The following KDM2B variants were observed in gnomAD, a reference collection of about 807,000 sequenced individuals.
KDM2B encodes the protein lysine-specific demethylase 2B.
Under a neutral mutation model 150.0 loss-of-function variants are expected in KDM2B, and 26 were observed. That is an observed-to-expected ratio of 0.17 (90% confidence interval 0.13 to 0.24). The LOEUF (loss-of-function observed/expected upper bound fraction) is 0.24, where lower values mean the gene tolerates loss of function less well. KDM2B is among the 10% of genes least tolerant of loss of function. The pLI is 1.00. For synonymous variants in KDM2B, 734 were observed against 729.5 expected (o/e 1.01, Z -0.10); for missense variants, 1,265 against 1,816.9 (o/e 0.70, Z 5.52).
the KDM2B span, chr12:121,418,055 C>G: frequency 4.6e-6 from 4 of 876,530 alleles, no homozygotes; most frequent in Non-Finnish European, 5.2e-6. Flanking sequence ...GAACTCTGCA[C>G]TTAAAGGCTG....
intron 4 of KDM2B, among the ~76,000 whole-genome samples, chr12:121,572,400 TCTCACTCA>T (rs777271396): frequency 6.6e-6 from 1 of 152,040 alleles, no homozygotes; most frequent in East Asian, 1.9e-4. Context: ...TCTGCCACTT[TCTCACTCA>T]CTCACTCACT....
At chr12:121,428,195 A>T (rs1872606207), downstream of KDM2B, among the ~76,000 whole-genome samples, 1 of 151,628 alleles carries the variant, frequency 6.6e-6, no homozygotes, top group Non-Finnish European at 1.5e-5. Context: ...TCTAGATGAG[A>T]TCTTTCTCTT....
chr12:121,521,197 G>C lies in KDM2B; in HGVS notation c.932-97C>G. Reference sequence around the variant, plus strand: ...GGAGGGAGAGCGAGCGTGCAGGAGGGTGCAGGGAGTGGAGAAGAGCAGCCA... The same window carrying C: ...GGAGGGAGAGCGAGCGTGCAGGAGGCTGCAGGGAGTGGAGAAGAGCAGCCA... On this transcript the variant is annotated intron_variant, in intron 8 of 22. Transcript: ENST00000377071. This position sits in a 1 kb window ranked among gnomAD's most constrained non-coding sequence, Gnocchi z 4.9. The C allele has an allele frequency of 2.5e-6, 2 of 796,482 alleles. No homozygotes were observed. The highest frequency in any genetic ancestry group is 2.1e-6 in the Non-Finnish European group (1 of 473,304). The allele number at this position is 796,482 out of a possible 1,614,324, so 49.3% of individuals were successfully genotyped here.
chr12:121,536,706 C>G (rs191192858), intron 6 of KDM2B, among the ~76,000 whole-genome samples: 11 of 152,018 alleles, frequency 7.2e-5, no homozygotes, highest in Middle Eastern at 3.4e-3. Flanking sequence ...GTTTCCACCC[C>G]CTCCAGGCCT....
chr12:121,433,064 C>T, intron 22 of KDM2B: 1 of 447,660 alleles, frequency 2.2e-6, no homozygotes, highest in Non-Finnish European at 4.5e-6. Flanking sequence ...ACCTGGAGGC[C>T]CAGCTGGCTC....
chr12:121,412,497 C>T, the KDM2B span, among the ~76,000 whole-genome samples: 1 of 151,536 alleles, frequency 6.6e-6, no homozygotes, highest in Non-Finnish European at 1.5e-5. Context: ...CCTGCCTTGT[C>T]CTCCCAAACT....
In KDM2B at chr12:121,459,339, A is replaced by G. The variant is rs1305183401; in HGVS notation, c.1735-5995T>C. ...TAGCTATCCACAAGCAAAAGAACAA[A>G]GATAGACCCCTACCTCACACCACAT... On this transcript the variant is annotated intron_variant, in intron 12 of 22. Coordinates refer to ENST00000377071, the MANE Select transcript of KDM2B (RefSeq NM_032590.5). Among the ~76,000 whole-genome samples, 3 of 152,220 alleles carry G rather than the reference A, an allele frequency of 2.0e-5. No individual in the cohort carries two copies. The East Asian group carries it at 5.8e-4, about 29-fold the overall frequency.
chr12:121,420,256 C>T, the KDM2B span: 4 of 1,606,694 alleles, frequency 2.5e-6, no homozygotes, highest in Non-Finnish European at 3.4e-6. Flanking sequence ...AAAGTGAAAT[C>T]ACTTCAGCAA....
Position 121,498,096 on chromosome 12 carries a change from A to T in KDM2B, c.1648-3431T>A, listed in dbSNP as rs1360611021. ...GAGAAACAGAGTAAGACTTTGTCTC[A>T]AAATAAATAAATAAATAAATAAATA... On this transcript the variant is annotated intron_variant, in intron 11 of 22. Transcript: ENST00000377071. Among the ~76,000 whole-genome samples the T allele has an allele frequency of 2.6e-5, 4 of 152,158 alleles. 1 individual carries two copies. The highest frequency in any genetic ancestry group is 4.2e-4 in the South Asian group (2 of 4,816).
intron 6 of KDM2B, among the ~76,000 whole-genome samples, chr12:121,535,788 C>T (rs1888040736): frequency 6.6e-6 from 1 of 152,180 alleles, no homozygotes; most frequent in African/African-American, 2.4e-5. Flanking sequence ...CCCAGGGCTC[C>T]CCTCCTCCCT....
At chr12:121,425,449 A>G (rs1210902512), downstream of KDM2B, among the ~76,000 whole-genome samples, 1 of 150,810 alleles carries the variant, frequency 6.6e-6, no homozygotes, top group Non-Finnish European at 1.5e-5. Context: ...GCCACTTCTC[A>G]GAGTCTGTTA....
intron 4 of KDM2B, among the ~76,000 whole-genome samples, chr12:121,558,499 G>A (rs1890075161): frequency 2.0e-5 from 3 of 150,928 alleles, no homozygotes; most frequent in African/African-American, 7.3e-5. Flanking sequence ...TGTTGCCCAG[G>A]CTAGAGTACA....
intron 9 of KDM2B, among the ~76,000 whole-genome samples, chr12:121,519,159 C>T (rs536734361): frequency 1.3e-5 from 2 of 152,358 alleles, no homozygotes; most frequent in African/African-American, 4.8e-5. Context: ...AACTCAACTC[C>T]AGGTGGTCTC....
At chr12:121,501,660 G>A (rs926526267) in intron 11 of KDM2B, among the ~76,000 whole-genome samples, 3 of 151,948 alleles carry the variant, frequency 2.0e-5, no homozygotes, top group African/African-American at 2.4e-5. Flanking sequence ...TTGCTCTGTC[G>A]CCCAGGCTGG....
intron 4 of KDM2B, among the ~76,000 whole-genome samples, chr12:121,573,124 T>G (rs1389893565): frequency 7.7e-6 from 1 of 129,358 alleles, no homozygotes; most frequent in Non-Finnish European, 1.6e-5. Context: ...GTGCCCGGCC[T>G]AATTTTTTTT....
In KDM2B at chr12:121,513,517, C is replaced by T. The variant is rs1293843223; in HGVS notation, c.1048-115G>A. ...GTGAGGGTCACTGTCATCATCTTAG[C>T]GAGAGCATGGATGGTCGGGGGAGAA... On this transcript the variant is annotated intron_variant, in intron 9 of 22. Coordinates refer to ENST00000377071, the MANE Select transcript of KDM2B (RefSeq NM_032590.5). This position sits in a 1 kb window ranked among gnomAD's most constrained non-coding sequence, Gnocchi z 5.0. 4.2e-6 allele frequency: 5 copies of T among 1,182,656 alleles called. No homozygotes were observed. In the African/African-American group the frequency reaches 6.0e-5, roughly 14 times the overall value. 73.3% of individuals were successfully genotyped at this position (1,182,656 alleles called of 1,614,324 possible).
chr12:121,445,298 T>C lies in KDM2B; in HGVS notation c.2080A>G (p.Ile694Val), dbSNP rs1555289913. The part of the protein sequence containing the change: ...MLMECSICNE[I>V]IHPGCLKIKE... ...ACCTTAAGGCATCCAGGGTGGATGA[T>C]TTCATTGCAGATGGAGCACTCCATG... is the stretch of plus-strand genomic sequence containing the variant. The change falls in exon 14 of 23, where the codon ATC (isoleucine) becomes GTC (valine). Residue 694 changes from isoleucine (I) to valine (V), a missense_variant. Ile to Val is a conservative substitution (Grantham distance 29, BLOSUM62 3). Transcript: ENST00000377071. 1.2e-6 allele frequency: 2 copies of C among 1,613,962 alleles called. No individual in the cohort carries two copies. The highest frequency in any genetic ancestry group is 1.7e-6 in the Non-Finnish European group (2 of 1,179,986).
In KDM2B at chr12:121,580,256, G is replaced by A. The variant is rs567669968; in HGVS notation, c.126+530C>T. The A allele has an allele frequency of 5.7e-4, 729 of 1,276,838 alleles. 4 individuals are homozygous for A. The highest frequency in any genetic ancestry group is 6.7e-4 in the Non-Finnish European group (681 of 1,013,808). 79.1% of individuals were successfully genotyped at this position (1,276,838 alleles called of 1,614,324 possible). ...GGAAACCATTTTCAGCAGTTGTGGGGGGGGGGAGGCGTCGACGTCATAATC... is the reference window on the plus strand; with the variant it reads ...GGAAACCATTTTCAGCAGTTGTGGGAGGGGGGAGGCGTCGACGTCATAATC... On this transcript the variant is annotated intron_variant, in intron 1 of 22. Coordinates refer to ENST00000377071, the MANE Select transcript of KDM2B (RefSeq NM_032590.5).
chr12:121,485,957 AG>A (rs1357566177), intron 12 of KDM2B, among the ~76,000 whole-genome samples: 2 of 151,608 alleles, frequency 1.3e-5, no homozygotes, highest in East Asian at 3.9e-4. Flanking sequence ...TTGTATTTTT[AG>A]TACAGACAGG....
Sources: allele counts gnomAD v4.1 joint callset (sites outside exome capture counted in the v4.1 genomes callset), GRCh38; gene constraint gnomAD v4.1.1; non-coding constraint Gnocchi (gnomAD v3.1); transcripts MANE v1.5; gene names NCBI Gene and HGNC (gene_info 2026-07-23, HGNC 2026-07-21).